COL19A1: variants seen among roughly 807,000 people sequenced by gnomAD.
COL19A1 encodes collagen alpha-1(XIX) chain.
In COL19A1, 159 loss-of-function variants were observed where a neutral mutation model predicts 190.2. The ratio of observed to expected loss-of-function variants is 0.84; its 90% CI spans 0.73 to 0.95. The LOEUF (loss-of-function observed/expected upper bound fraction) is 0.95. COL19A1 is among the 40% of genes least tolerant of loss of function. COL19A1 has a pLI of 0.00. For synonymous variants in COL19A1, 509 were observed against 458.9 expected (o/e 1.11, Z -1.39); for missense variants, 1,418 against 1,431.9 (o/e 0.99, Z 0.16).
chr6:69,908,441 C>T (rs1364097432), intron 4 of COL19A1, among the ~76,000 whole-genome samples: 1 of 152,164 alleles, frequency 6.6e-6, no homozygotes. Context: ...TATGTCATCA[C>T]TGTATTTCCT....
intron 2 of COL19A1, among the ~76,000 whole-genome samples, chr6:69,892,088 T>C (rs1769391121): frequency 6.6e-6 from 1 of 152,216 alleles, no homozygotes; most frequent in Non-Finnish European, 1.5e-5. Flanking sequence ...GTAGCTATAG[T>C]TATGCTTGCT....
At chr6:69,930,804 A>G (rs1017151303) in intron 6 of COL19A1, among the ~76,000 whole-genome samples, 1 of 152,212 alleles carries the variant, frequency 6.6e-6, no homozygotes, top group Non-Finnish European at 1.5e-5. Context: ...GTCTCAAAAA[A>G]CAAAAAACAA....
chr6:69,985,049 C>G (rs1776240838), intron 11 of COL19A1, among the ~76,000 whole-genome samples: 1 of 152,154 alleles, frequency 6.6e-6, no homozygotes, highest in Non-Finnish European at 1.5e-5. Flanking sequence ...TCCCTACCCA[C>G]TTGTAGTTGG....
At chr6:70,176,648 C>A in intron 42 of COL19A1, 84 bp downstream of exon 42, 1 of 1,355,150 alleles carries the variant, frequency 7.4e-7, no homozygotes, top group Non-Finnish European at 1.0e-6. Flanking sequence ...TCAAGACAGG[C>A]AGGAGAGCAT....
At chr6:69,941,881 G>A (rs540357979) in intron 9 of COL19A1, among the ~76,000 whole-genome samples, 4 of 152,022 alleles carry the variant, frequency 2.6e-5, no homozygotes, top group African/African-American at 9.6e-5. Context: ...GTAGAGATGG[G>A]GTTTCACCAT....
chr6:70,073,856 T>G (rs538138737), intron 15 of COL19A1, among the ~76,000 whole-genome samples: 14 of 152,326 alleles, frequency 9.2e-5, no homozygotes, highest in South Asian at 2.1e-4. Context: ...TACTGGGATT[T>G]TCATGTAAAA....
intron 11 of COL19A1, among the ~76,000 whole-genome samples, chr6:69,986,221 TTATA>T (rs57648174): frequency 0.46 from 64,020 of 137,944 alleles, 16,300 homozygotes; most frequent in East Asian, 0.63. Flanking sequence ...CTTACACGTT[TTATA>T]TATATATATA....
chr6:70,031,520 C>T (rs1779073767), intron 12 of COL19A1, among the ~76,000 whole-genome samples: 2 of 151,978 alleles, frequency 1.3e-5, no homozygotes, highest in African/African-American at 4.8e-5. Context: ...TCCATGTGTT[C>T]AAATTTTTTT....
chr6:69,939,065 TAA>T (rs139822660), intron 9 of COL19A1, among the ~76,000 whole-genome samples: 3,481 of 152,232 alleles, frequency 0.023, 130 homozygotes, highest in African/African-American at 0.077. Flanking sequence ...TCAACAAAGC[TAA>T]AGTCATTTGA....
Position 70,121,911 on chromosome 6 carries a change from C to T in COL19A1, c.1310C>T (p.Thr437Ile), listed in dbSNP as rs752348728. The change falls in exon 17 of 51, where the codon ACT becomes ATT. Residue 437 changes from threonine to isoleucine, a missense_variant. Physicochemically the swap from Thr to Ile is moderately conservative, Grantham distance 89. Transcript: ENST00000620364. ...GPPGIQGIHQTLGGYYNKDNK... is the reference protein window; with the variant it reads ...GPPGIQGIHQILGGYYNKDNK... ...CCTGGAATACAAGGAATACACCAAA[C>T]TCTTGGTGGATATTATAACAAGGAT... 3.1e-6 allele frequency: 5 copies of T among 1,590,510 alleles called. No individual in the cohort carries two copies. In the Admixed American group the frequency reaches 5.3e-5, roughly 17 times the overall value.
At chr6:69,867,548 G>A (rs549680744) in intron 1 of COL19A1, 1 of 152,406 alleles carries the variant, frequency 6.6e-6, no homozygotes, top group South Asian at 2.1e-4. Flanking sequence ...GGGCGGCCCA[G>A]CTAGGGCGCT....
intron 14 of COL19A1, among the ~76,000 whole-genome samples, chr6:70,063,561 A>C (rs1306215503): frequency 6.6e-6 from 1 of 152,194 alleles, no homozygotes; most frequent in Non-Finnish European, 1.5e-5. Context: ...CCAACATCGC[A>C]ATTAAAAGAA....
At chr6:70,134,247 T>TC (rs1262625161) in intron 18 of COL19A1, among the ~76,000 whole-genome samples, 1 of 152,104 alleles carries the variant, frequency 6.6e-6, no homozygotes, top group Non-Finnish European at 1.5e-5. Context: ...CCTAAATGTA[T>TC]CCCCCAACTT....
At chr6:69,872,745 C>T (rs1000928335) in intron 1 of COL19A1, among the ~76,000 whole-genome samples, 20 of 152,108 alleles carry the variant, frequency 1.3e-4, no homozygotes, top group Admixed American at 3.9e-4. Flanking sequence ...ATTACAGGGA[C>T]GGCTGTCTGA....
chr6:70,029,799 G>T (rs896492465), intron 12 of COL19A1, among the ~76,000 whole-genome samples: 3 of 152,112 alleles, frequency 2.0e-5, no homozygotes, highest in Admixed American at 6.6e-5. Flanking sequence ...AAGCACAGTT[G>T]TTACATATCC....
At position 70,206,951 on chromosome 6, in the gene COL19A1, G is replaced by A. The variant is rs1359759808; in HGVS notation, c.3274G>A (p.Gly1092Arg). Residue 1092 changes from glycine (G) to arginine (R), a missense_variant, in exon 50 of 51, where the codon GGG becomes AGG. Transcript: ENST00000620364. ...AGGTGAACCTGGAATTGGGCTGCCA[G>A]GGAGTCCAGGTCTTCCTGGGACTTC... ...ERGEPGIGLPGSPGLPGTSAL... is the reference protein window; with the variant it reads ...ERGEPGIGLPRSPGLPGTSAL... The A allele has an allele frequency of 1.9e-6, 3 of 1,613,770 alleles. No individual in the cohort carries two copies. The highest frequency in any genetic ancestry group is 3.3e-5 in the Admixed American group (2 of 59,946).
intron 18 of COL19A1, among the ~76,000 whole-genome samples, chr6:70,135,833 A>G (rs755101611): frequency 6.6e-6 from 1 of 152,104 alleles, no homozygotes; most frequent in Non-Finnish European, 1.5e-5. Flanking sequence ...TGCCCTGGAT[A>G]TTCCAGGCTA....
intron 11 of COL19A1, among the ~76,000 whole-genome samples, chr6:69,997,832 A>T (rs1268279850): frequency 6.6e-5 from 10 of 152,176 alleles, no homozygotes; most frequent in African/African-American, 2.4e-4. Flanking sequence ...CAAGAGCCAA[A>T]CACTTCTGAA....
intron 14 of COL19A1, among the ~76,000 whole-genome samples, chr6:70,066,042 G>A (rs555243678): frequency 5.3e-4 from 81 of 152,242 alleles, no homozygotes; most frequent in Non-Finnish European, 7.6e-4. Context: ...ACAATGCAGC[G>A]ATTCCTCAGG....
Sources: allele counts gnomAD v4.1 joint callset (sites outside exome capture counted in the v4.1 genomes callset), GRCh38; gene constraint gnomAD v4.1.1; transcripts MANE v1.5; gene names NCBI Gene and HGNC (gene_info 2026-07-23, HGNC 2026-07-21).